TRHDE: variants seen among roughly 807,000 people sequenced by gnomAD.
TRHDE encodes thyrotropin releasing hormone degrading enzyme.
A neutral mutation model predicts 125.7 loss-of-function variants in TRHDE; 72 were observed. The ratio of observed to expected loss-of-function variants is 0.57; its 90% CI spans 0.47 to 0.70. The LOEUF is 0.70. Ranked by LOEUF, TRHDE falls within the 30% of genes least tolerant of loss-of-function variation. TRHDE has a pLI of 0.00. For synonymous variants in TRHDE, 509 were observed against 509.1 expected (o/e 1.00, Z 0.00); for missense variants, 1,110 against 1,327.1 (o/e 0.84, Z 2.54).
At chr12:72,244,967 A>G (rs966501317) in intron 2 of TRHDE, among the ~76,000 whole-genome samples, 1 of 152,114 alleles carries the variant, frequency 6.6e-6, no homozygotes, top group African/African-American at 2.4e-5. Flanking sequence ...AGAATTTTAG[A>G]TGTGACAAGA....
chr12:72,115,255 T>C (rs925432093), intron 2 of TRHDE, among the ~76,000 whole-genome samples: 2 of 120,532 alleles, frequency 1.7e-5, no homozygotes, highest in Non-Finnish European at 3.2e-5. Context: ...CTACTCTATC[T>C]CCATGAGTTC....
chr12:72,102,845 G>A (rs1054982162), intron 1 of TRHDE, among the ~76,000 whole-genome samples: 1 of 152,284 alleles, frequency 6.6e-6, no homozygotes, highest in South Asian at 2.1e-4. Flanking sequence ...CCAGTTGGTG[G>A]GAGTGCTCTC....
intron 2 of TRHDE, among the ~76,000 whole-genome samples, chr12:72,144,789 C>T (rs982681354): frequency 2.0e-5 from 3 of 152,202 alleles, no homozygotes; most frequent in African/African-American, 4.8e-5. Context: ...AATAACAATG[C>T]TATTCTGTGA....
At chr12:72,271,995 G>T (rs1170111963), upstream of TRHDE, 1 of 456,764 alleles carries the variant, frequency 2.2e-6, no homozygotes, top group Admixed American at 2.3e-5. Context: ...GATCTCCGTC[G>T]TAGCTTCGCG....
chr12:72,621,016 A>T, intron 13 of TRHDE, 92 bp from the exon 14 acceptor site: 1 of 604,334 alleles, frequency 1.7e-6, no homozygotes, highest in Non-Finnish European at 2.9e-6. Flanking sequence ...GGTACATTTT[A>T]AGAATATTTT....
chr12:72,363,586 A>G (rs1323823677), intron 2 of TRHDE, among the ~76,000 whole-genome samples: 1 of 151,726 alleles, frequency 6.6e-6, no homozygotes, highest in Admixed American at 6.6e-5. Flanking sequence ...CATGCTAAAA[A>G]CTCTCAATAA....
At chr12:72,241,845 G>C (rs1000387086) in intron 2 of TRHDE, among the ~76,000 whole-genome samples, 1 of 152,048 alleles carries the variant, frequency 6.6e-6, no homozygotes, top group Non-Finnish European at 1.5e-5. Flanking sequence ...TTTTTTCAAC[G>C]TAGTCATTCT....
chr12:72,478,915 T>C (rs1877023301), intron 5 of TRHDE, among the ~76,000 whole-genome samples: 1 of 138,070 alleles, frequency 7.2e-6, no homozygotes, highest in African/African-American at 2.7e-5. Flanking sequence ...TTAATACTTT[T>C]TTTTAGCAAA....
intron 5 of TRHDE, among the ~76,000 whole-genome samples, chr12:72,474,992 A>G (rs1407021294): frequency 1.3e-5 from 2 of 152,174 alleles, no homozygotes; most frequent in Non-Finnish European, 2.9e-5. Context: ...AATCTACAAG[A>G]TAAGTTTATT....
rs539371774 is a variant in TRHDE, at chr12:72,194,226, A to T, written n.279+88474A>T. Among the ~76,000 whole-genome samples the T allele has an allele frequency of 2.0e-5, 3 of 152,242 alleles. No individual in the cohort carries two copies. In the South Asian group the frequency reaches 6.2e-4, roughly 32 times the overall value. ...AATGTATAAATACCCATTTAGAAAG[A>T]TTATTGATGTTGATACACAGAATGA... On this transcript the variant is annotated intron_variant and non_coding_transcript_variant, in intron 2 of 4. Transcript: ENST00000548156.
chr12:72,273,351 A>C lies in TRHDE; in HGVS notation c.708A>C (p.Lys236Asn), dbSNP rs764671018. Residue 236 changes from lysine to asparagine, a missense_variant, in exon 1 of 19, where the codon AAA becomes AAC. Physicochemically the swap from Lys to Asn is moderately conservative, Grantham distance 94 (BLOSUM62 0). This residue lies in a region of TRHDE where 72 missense variants were observed against 122.2 expected (regional missense o/e 0.59). Coordinates refer to ENST00000261180, the MANE Select transcript of TRHDE (RefSeq NM_013381.3). This position sits in a 1 kb window ranked among gnomAD's most constrained non-coding sequence, Gnocchi z 5.3. ...VLHASRVAVE[K>N]VQLAEDRAFG... ...ACGCTTCCCGAGTGGCGGTGGAGAA[A>C]GTGCAGCTGGCCGAGGACCGGGCGT... The C allele has an allele frequency of 1.7e-5, 27 of 1,613,982 alleles. No individual in the cohort carries two copies.
intron 2 of TRHDE, chr12:72,309,742 G>A (rs1460240280): frequency 2.0e-5 from 3 of 149,828 alleles, no homozygotes; most frequent in Non-Finnish European, 2.9e-5. Flanking sequence ...ATAAAAAAAA[G>A]AAGATGGAGT....
At chr12:72,562,333 CTT>C in intron 8 of TRHDE, 103 bp downstream of exon 8, 1 of 536,576 alleles carries the variant, frequency 1.9e-6, no homozygotes, top group Non-Finnish European at 3.3e-6. Context: ...TTTGTTTTTA[CTT>C]TTTACATTTT....
chr12:72,438,355 T>A (rs982833584), intron 3 of TRHDE, among the ~76,000 whole-genome samples: 12 of 151,972 alleles, frequency 7.9e-5, no homozygotes, highest in Admixed American at 7.2e-4. Context: ...ACCTCCATAC[T>A]GTTTTCTGTA....
intron 2 of TRHDE, among the ~76,000 whole-genome samples, chr12:72,118,571 A>G (rs1875502095): frequency 6.6e-6 from 1 of 152,152 alleles, no homozygotes; most frequent in Non-Finnish European, 1.5e-5. Flanking sequence ...CTGTAGAATA[A>G]GTTTGGCAGT....
chr12:72,569,024 C>G (rs910567632), intron 10 of TRHDE, among the ~76,000 whole-genome samples: 2 of 151,844 alleles, frequency 1.3e-5, no homozygotes, highest in African/African-American at 4.8e-5. Context: ...TTTACACTTT[C>G]CTATCTTCTC....
intron 6 of TRHDE, among the ~76,000 whole-genome samples, chr12:72,536,252 G>A (rs1267990808): frequency 6.6e-6 from 1 of 152,104 alleles, no homozygotes; most frequent in Non-Finnish European, 1.5e-5. Context: ...ATTTACACTT[G>A]TGTGGACTTC....
At chr12:72,573,918 G>A (rs1160972650) in intron 10 of TRHDE, among the ~76,000 whole-genome samples, 1 of 151,960 alleles carries the variant, frequency 6.6e-6, no homozygotes, top group Non-Finnish European at 1.5e-5. Flanking sequence ...ATTTATAAAG[G>A]TGGTGGGAAG....
At chr12:72,285,164 G>GCT in intron 1 of TRHDE, among the ~76,000 whole-genome samples, 1 of 152,240 alleles carries the variant, frequency 6.6e-6, no homozygotes, top group South Asian at 2.1e-4. Flanking sequence ...CATGCTTTGA[G>GCT]CTAAGGGATA....
Sources: gnomAD v4.1 joint callset for allele counts (sites outside exome capture counted in the v4.1 genomes callset) on GRCh38, gnomAD v4.1.1 for gene constraint, gnomAD v4.1.1 regional missense constraint, Gnocchi (gnomAD v3.1) non-coding constraint, MANE v1.5 for transcripts, NCBI Gene and HGNC (gene_info 2026-07-23, HGNC 2026-07-21) for gene names.